The following FAM133B variants were observed in gnomAD, a reference collection of about 807,000 sequenced individuals.
The protein encoded by FAM133B is family with sequence similarity 133 member B, also known as protein FAM133B.
A neutral mutation model predicts 46.4 loss-of-function variants in FAM133B; 25 were observed. That is an observed-to-expected ratio of 0.54 (90% CI 0.39 to 0.75). The LOEUF is 0.75. FAM133B is among the 30% of genes least tolerant of loss of function. FAM133B has a pLI of 0.00. For missense variants in FAM133B, 205 were observed against 277.6 expected (o/e 0.74, Z 1.86); for synonymous variants, 75 against 86.0 (o/e 0.87, Z 0.71).
chr7:92,572,654 G>C (rs1247402416), intron 8 of FAM133B, among the ~76,000 whole-genome samples: 3 of 152,206 alleles, frequency 2.0e-5, no homozygotes, highest in Admixed American at 2.0e-4. Flanking sequence ...GGGAAGTGGA[G>C]GTTGCAGTGA....
intron 1 of FAM133B, 192 bp downstream of exon 1, chr7:92,590,076 G>A (rs981312341): frequency 3.4e-5 from 24 of 701,996 alleles, no homozygotes; most frequent in Middle Eastern, 5.0e-4. Context: ...GCAAGAGAGA[G>A]CTGGGAACCC....
intron 9 of FAM133B, among the ~76,000 whole-genome samples, chr7:92,566,941 C>T (rs1243246227): frequency 6.6e-6 from 1 of 152,096 alleles, no homozygotes; most frequent in Non-Finnish European, 1.5e-5. Context: ...CCGGGGGCAG[C>T]GGCTGGTGCC....
chr7:92,562,411 C>T (rs535472118), intron 10 of FAM133B, 43 bp from the exon 11 acceptor site: 53 of 1,510,428 alleles, frequency 3.5e-5, no homozygotes, highest in East Asian at 2.0e-4. Flanking sequence ...TATAAAAATA[C>T]GCAAATTAAA....
At chr7:92,568,524 ATTT>A (rs745580425) in intron 9 of FAM133B, among the ~76,000 whole-genome samples, 5 of 118,218 alleles carry the variant, frequency 4.2e-5, no homozygotes, top group Non-Finnish European at 5.2e-5. Context: ...CGCCTGGCTA[ATTT>A]TTTTTTTTTT....
chr7:92,577,641 T>C lies in FAM133B; in HGVS notation c.372+14A>G, dbSNP rs769587105. The C allele has an allele frequency of 1.2e-4, 182 of 1,563,130 alleles. No homozygotes were observed. Among genetic ancestry groups the C allele is most frequent in the Non-Finnish European group, 1.5e-4 (176 of 1,153,312 alleles). On this transcript the variant is annotated intron_variant, in intron 6 of 10. Transcript: ENST00000445716. The stretch of plus-strand genomic sequence containing the variant: ...AGAGATATTATTTCATGAACCATTA[T>C]AAGCAAACCTTACCTCATCTTCAGA...
At chr7:92,589,089 G>A (rs1444879904) in intron 1 of FAM133B, among the ~76,000 whole-genome samples, 1 of 152,234 alleles carries the variant, frequency 6.6e-6, no homozygotes, top group Non-Finnish European at 1.5e-5. Flanking sequence ...GACACACACA[G>A]CTTGCAAATA....
intron 10 of FAM133B, 30 bp from the exon 11 acceptor site, chr7:92,562,398 C>T (rs1354895352): frequency 1.3e-6 from 2 of 1,516,990 alleles, no homozygotes; most frequent in African/African-American, 2.8e-5. Context: ...TTAGACATTA[C>T]TATATAAAAA....
At chr7:92,585,980 T>A (rs1174864541) in intron 1 of FAM133B, among the ~76,000 whole-genome samples, 2 of 152,174 alleles carry the variant, frequency 1.3e-5, no homozygotes, top group East Asian at 3.8e-4. Context: ...AATTATAACA[T>A]TTACCATGTT....
At position 92,578,359 on chromosome 7, in the gene FAM133B, T is replaced by C; in HGVS notation, c.236A>G (p.Lys79Arg). The C allele has an allele frequency of 1.9e-6, 3 of 1,613,632 alleles. No homozygotes were observed. The highest frequency in any genetic ancestry group is 2.5e-6 in the Non-Finnish European group (3 of 1,179,760). The change falls in exon 4 of 11, where the codon AAA becomes AGA. Residue 79 changes from lysine to arginine, a missense_variant. Lys to Arg is a conservative substitution (Grantham distance 26). Coordinates refer to ENST00000445716, the MANE Select transcript of FAM133B (RefSeq NM_152789.4). ...TGAGCTCTCACTTCCACTTAACAAT[T>C]TCTCCCTGTGTTTTTCCAGTTCTTT... ...WKKELEKHRE[K>R]LLSGSESSSK...
chr7:92,582,293 C>CATAACATAACATAAAATAA (rs1554390068), intron 1 of FAM133B, among the ~76,000 whole-genome samples: 2 of 140,908 alleles, frequency 1.4e-5, no homozygotes, highest in East Asian at 3.9e-4. Flanking sequence ...CATAACATAA[C>CATAACATAACATAAAATAA]ATAACATAAA....
intron 8 of FAM133B, among the ~76,000 whole-genome samples, chr7:92,573,835 G>A (rs538552761): frequency 1.3e-5 from 2 of 151,558 alleles, no homozygotes; most frequent in East Asian, 3.9e-4. Context: ...TCTTGGAATT[G>A]GTCATTACAG....
intron 8 of FAM133B, among the ~76,000 whole-genome samples, chr7:92,574,902 A>G (rs1191350680): frequency 7.0e-6 from 1 of 141,938 alleles, no homozygotes; most frequent in Non-Finnish European, 1.5e-5. Context: ...ACAGAGCGAG[A>G]CTCCGTCTCA....
intron 1 of FAM133B, among the ~76,000 whole-genome samples, chr7:92,588,647 T>C (rs550727024): frequency 1.4e-4 from 21 of 152,232 alleles, no homozygotes; most frequent in Non-Finnish European, 2.4e-4. Flanking sequence ...CCCGCCCAAA[T>C]CTCATGTCGA....
chr7:92,567,271 T>A (rs994280114), intron 9 of FAM133B, among the ~76,000 whole-genome samples: 2 of 152,232 alleles, frequency 1.3e-5, no homozygotes, highest in Non-Finnish European at 2.9e-5. Context: ...TAAACTTTCG[T>A]ATTACATGTT....
intron 9 of FAM133B, among the ~76,000 whole-genome samples, chr7:92,568,048 C>G (rs1794416208): frequency 6.6e-6 from 1 of 151,994 alleles, no homozygotes; most frequent in African/African-American, 2.4e-5. Context: ...CAGGCGTGAA[C>G]CACCACACCT....
intron 1 of FAM133B, among the ~76,000 whole-genome samples, chr7:92,584,837 A>G (rs1794994621): frequency 6.6e-6 from 1 of 152,160 alleles, no homozygotes; most frequent in African/African-American, 2.4e-5. Context: ...AACACAGTTA[A>G]GTTGGGCTCA....
intron 7 of FAM133B, among the ~76,000 whole-genome samples, chr7:92,576,680 A>G (rs1335820692): frequency 6.6e-6 from 1 of 152,250 alleles, no homozygotes; most frequent in East Asian, 1.9e-4. Flanking sequence ...TTTTCTGACC[A>G]GTAATGTTTG....
intron 1 of FAM133B, among the ~76,000 whole-genome samples, chr7:92,586,188 C>G (rs1327304708): frequency 1.3e-5 from 2 of 152,190 alleles, no homozygotes; most frequent in Non-Finnish European, 2.9e-5. Flanking sequence ...ATAAGGCTTA[C>G]TTTTAAGCTT....
intron 7 of FAM133B, among the ~76,000 whole-genome samples, chr7:92,576,674 C>T (rs1250993203): frequency 6.6e-6 from 1 of 152,198 alleles, no homozygotes; most frequent in Non-Finnish European, 1.5e-5. Flanking sequence ...TAACTTTTTT[C>T]TGACCAGTAA....
Sources: gnomAD v4.1 joint callset for allele counts (sites outside exome capture counted in the v4.1 genomes callset) on GRCh38, gnomAD v4.1.1 for gene constraint, MANE v1.5 for transcripts, NCBI Gene and HGNC (gene_info 2026-07-23, HGNC 2026-07-21) for gene names.